The following CAPN2 variants were observed in gnomAD, a reference collection of about 807,000 sequenced individuals.
CAPN2 encodes the protein calpain-2 catalytic subunit.
CAPN2 carries 92 observed loss-of-function variants against 102.3 expected under a neutral mutation model. The ratio of observed to expected loss-of-function variants is 0.90; its 90% CI spans 0.76 to 1.07. The LOEUF (loss-of-function observed/expected upper bound fraction) is 1.07. CAPN2 is among the 50% of genes least tolerant of loss of function. CAPN2 has a pLI of 0.00. For missense variants in CAPN2, 800 were observed against 909.4 expected, an observed-to-expected ratio of 0.88 and a Z score of 1.55; for synonymous variants, 340 against 355.4, an observed-to-expected ratio of 0.96 and a Z score of 0.49.
At chr1:223,749,162 G>A (rs10915715) in intron 6 of CAPN2, 40 bp downstream of exon 6, 170,567 of 1,555,056 alleles carry the variant, frequency 0.11, 12,150 homozygotes, top group African/African-American at 0.31. Flanking sequence ...CTGCTGTCCT[G>A]ACACGATGGC....
chr1:223,769,747 C>T (rs956181216), intron 16 of CAPN2, 94 bp from the exon 17 acceptor site: 6 of 891,438 alleles, frequency 6.7e-6, no homozygotes, highest in East Asian at 5.3e-5. Flanking sequence ...TGTGTATATG[C>T]TATGATATTC....
In CAPN2 at chr1:223,751,997, C is replaced by T. The variant is rs903140076; in HGVS notation, c.900C>T (p.Asn300=). 1.9e-6 allele frequency: 3 copies of T among 1,597,362 alleles called. No individual in the cohort carries two copies. Among genetic ancestry groups the T allele is most frequent in the East Asian group, 4.5e-5 (2 of 44,190 alleles). Residue 300 remains asparagine, a splice_region_variant and synonymous_variant, in exon 8 of 21, where the codon AAC becomes AAT. Transcript: ENST00000295006. Reference sequence around the variant, plus strand: ...CCTCTCTCTTTACTTTGTTTTCCAGCTGCCCAAGCTGGAACACTATAGACC... The same window carrying T: ...CCTCTCTCTTTACTTTGTTTTCCAGTTGCCCAAGCTGGAACACTATAGACC... The part of the protein sequence containing the change: ...EVEWTGRWND[N]CPSWNTIDPE...
At chr1:223,714,494 G>A (rs79920112) in intron 1 of CAPN2, among the ~76,000 whole-genome samples, 16,465 of 151,938 alleles carry the variant, frequency 0.11, 1,523 homozygotes, top group African/African-American at 0.23. Flanking sequence ...AAAGTGATAC[G>A]CTGACCTGAC....
chr1:223,772,146 C>T (rs750331612), intron 19 of CAPN2, 35 bp from the exon 20 acceptor site: 1 of 1,599,026 alleles, frequency 6.3e-7, no homozygotes, highest in Non-Finnish European at 8.6e-7. Context: ...TTTCAGCTCA[C>T]TCACTTGTGA....
intron 12 of CAPN2, 102 bp from the exon 13 acceptor site, chr1:223,761,478 AC>A (rs1239728368): frequency 1.9e-5 from 16 of 861,860 alleles, no homozygotes; most frequent in African/African-American, 6.7e-5. Context: ...CACCCCACCT[AC>A]CCCCTGCTGG....
At chr1:223,718,302 A>G (rs1363935839) in intron 2 of CAPN2, among the ~76,000 whole-genome samples, 3 of 152,250 alleles carry the variant, frequency 2.0e-5, no homozygotes, top group Non-Finnish European at 4.4e-5. Flanking sequence ...TCGCTGCTGA[A>G]GGAAGTTATA....
chr1:223,760,354 G>A (rs1661155015), intron 12 of CAPN2, among the ~76,000 whole-genome samples: 1 of 152,202 alleles, frequency 6.6e-6, no homozygotes, highest in Admixed American at 6.5e-5. Flanking sequence ...TTCCTGTAGA[G>A]GAAGAGCCAA....
intron 2 of CAPN2, among the ~76,000 whole-genome samples, chr1:223,730,651 C>G (rs1660316188): frequency 6.6e-6 from 1 of 152,158 alleles, no homozygotes; most frequent in Non-Finnish European, 1.5e-5. Flanking sequence ...CTTAAGATCT[C>G]TGTTTTCAGT....
At chr1:223,717,874 A>C in intron 2 of CAPN2, 43 bp downstream of exon 2, 1 of 1,482,066 alleles carries the variant, frequency 6.7e-7, no homozygotes. Context: ...CTTGTCTGTA[A>C]GGCTGTGGGT....
intron 2 of CAPN2, among the ~76,000 whole-genome samples, chr1:223,742,218 C>T (rs951746624): frequency 1.3e-5 from 2 of 151,970 alleles, no homozygotes; most frequent in East Asian, 1.9e-4. Flanking sequence ...TGGGGAAACC[C>T]TGTCTCTACT....
intron 2 of CAPN2, among the ~76,000 whole-genome samples, chr1:223,742,855 G>A (rs1660659398): frequency 6.6e-6 from 1 of 152,134 alleles, no homozygotes. Context: ...GTCAATTGGC[G>A]AAAATAAATC....
At chr1:223,732,129 G>A (rs1660353483) in intron 2 of CAPN2, among the ~76,000 whole-genome samples, 1 of 152,096 alleles carries the variant, frequency 6.6e-6, no homozygotes, top group Non-Finnish European at 1.5e-5. Context: ...TGGGGGTGGA[G>A]ACCTCTAGAC....
intron 1 of CAPN2, among the ~76,000 whole-genome samples, chr1:223,716,197 T>A (rs1659870557): frequency 6.6e-6 from 1 of 152,262 alleles, no homozygotes; most frequent in African/African-American, 2.4e-5. Context: ...ATCGCTTAGA[T>A]GCTTAGGTGT....
rs1396179185 is a variant in CAPN2, at chr1:223,756,503, C to A, written c.1305+854C>A. Among the ~76,000 whole-genome samples, 1 of 152,142 alleles carries A rather than the reference C, an allele frequency of 6.6e-6. No individual in the cohort carries two copies. On this transcript the variant is annotated intron_variant, in intron 10 of 20. Transcript: ENST00000295006. The surrounding 1 kb of genome is among the most constrained non-coding windows in gnomAD (Gnocchi z 4.1). ...GCCTGAAAAATGGCCCTGGCAGGGA[C>A]CTGTTTACACCATGGAAAGTGGCAA... is the stretch of plus-strand genomic sequence containing the variant.
chr1:223,719,596 G>A (rs17557525), intron 2 of CAPN2, among the ~76,000 whole-genome samples: 14,843 of 152,184 alleles, frequency 0.098, 815 homozygotes, highest in African/African-American at 0.14. Flanking sequence ...ATCTGCTTCA[G>A]AGTTTAACAA....
chr1:223,747,148 C>T lies in CAPN2; in HGVS notation c.712C>T (p.Leu238Phe), dbSNP rs1660769710. Residue 238 changes from leucine to phenylalanine, a missense_variant, in exon 5 of 21, where the codon CTT becomes TTT. By Grantham distance (22) the Leu-to-Phe change is conservative. Coordinates refer to ENST00000295006, the MANE Select transcript of CAPN2 (RefSeq NM_001748.5). ...GAAAGCTCTGCAAAAAGGCTCTCTC[C>T]TTGGCTGCTCCATCGACGTAAGTCC... ...IQKALQKGSLLGCSIDITSAA... is the reference protein window; with the variant it reads ...IQKALQKGSLFGCSIDITSAA... 1 of 1,613,442 alleles carries T rather than the reference C, an allele frequency of 6.2e-7. No individual in the cohort carries two copies. Among genetic ancestry groups the T allele is most frequent in the East Asian group, 2.2e-5 (1 of 44,866 alleles).
rs952695502 is a variant in CAPN2 at position 223,754,854 on chromosome 1, C to A, written c.1136-626C>A. Among the ~76,000 whole-genome samples, 1 of 152,024 alleles carries A rather than the reference C, an allele frequency of 6.6e-6. No individual in the cohort carries two copies. The highest frequency in any genetic ancestry group is 1.5e-5 in the Non-Finnish European group (1 of 67,978). ...AGTGCAGGGAGCAGATCCCGGAGTC[C>A]CCCAGGCCAGCCGAGCCCCGCCCCA... On this transcript the variant is annotated intron_variant, in intron 9 of 20. Coordinates refer to ENST00000295006, the MANE Select transcript of CAPN2 (RefSeq NM_001748.5). The surrounding 1 kb of genome is among the most constrained non-coding windows in gnomAD (Gnocchi z 4.7).
At chr1:223,721,290 C>T (rs6671245) in intron 2 of CAPN2, among the ~76,000 whole-genome samples, 15,211 of 152,202 alleles carry the variant, frequency 0.1, 870 homozygotes, top group African/African-American at 0.15. Context: ...GCTCTGAAAT[C>T]GTGGGGTAAT....
upstream of CAPN2, among the ~76,000 whole-genome samples, chr1:223,711,964 T>G (rs956773754): frequency 6.6e-6 from 1 of 152,192 alleles, no homozygotes. Flanking sequence ...ATTGCAGCAT[T>G]GTGATTGCAA....
Sources: gnomAD v4.1 joint callset for allele counts (sites outside exome capture counted in the v4.1 genomes callset) on GRCh38, gnomAD v4.1.1 for gene constraint, Gnocchi (gnomAD v3.1) non-coding constraint, MANE v1.5 for transcripts, NCBI Gene and HGNC (gene_info 2026-07-23, HGNC 2026-07-21) for gene names.